The following KIAA0825 variants were observed in gnomAD, a reference collection of about 807,000 sequenced individuals.
KIAA0825 encodes the protein KIAA0825.
Under a neutral mutation model 147.6 loss-of-function variants are expected in KIAA0825, and 119 were observed. The observed-to-expected ratio is 0.81, with a 90% confidence interval of 0.69 to 0.94. KIAA0825 has a LOEUF of 0.94. KIAA0825 is among the 40% of genes least tolerant of loss of function. The pLI, the probability that KIAA0825 is intolerant of heterozygous loss-of-function variation, is 0.00. For synonymous variants in KIAA0825, 470 were observed against 518.1 expected, an observed-to-expected ratio of 0.91 and a Z score of 1.26; for missense variants, 1,381 against 1,472.7, an observed-to-expected ratio of 0.94 and a Z score of 1.02.
At chr5:94,421,788 C>CA (rs1180416938) in intron 14 of KIAA0825, among the ~76,000 whole-genome samples, 2 of 152,076 alleles carry the variant, frequency 1.3e-5, no homozygotes, top group African/African-American at 4.8e-5. Flanking sequence ...TATGATTCCC[C>CA]AATATTCCAA....
chr5:94,528,325 C>A (rs1042310366), intron 3 of KIAA0825, among the ~76,000 whole-genome samples: 1 of 152,138 alleles, frequency 6.6e-6, no homozygotes, highest in Non-Finnish European at 1.5e-5. Context: ...ATGAGCAACA[C>A]AGTATGAAAG....
At position 94,520,666 on chromosome 5, in the gene KIAA0825, ATTGT is replaced by A. The variant is rs1432307060; in HGVS notation, c.548_551del (p.Asn183IlefsTer8). 4.3e-6 allele frequency: 7 copies of A among 1,613,376 alleles called. No individual in the cohort carries two copies. The highest frequency in any genetic ancestry group is 5.9e-6 in the Non-Finnish European group (7 of 1,179,498). On this transcript the variant is annotated frameshift_variant, in exon 5 of 21. Transcript: ENST00000682413. LOFTEE classifies it high-confidence loss of function. ...TTTTCAATAAAATTTTTTGCTGTGAATTGTTTATTTCATTATGGCTTTGTAATTT... is the reference window on the plus strand; with the variant it reads ...TTTTCAATAAAATTTTTTGCTGTGAATTATTTCATTATGGCTTTGTAATTT...
chr5:94,178,998 A>C (rs1769357724), intron 20 of KIAA0825, among the ~76,000 whole-genome samples: 2 of 152,134 alleles, frequency 1.3e-5, no homozygotes, highest in Admixed American at 1.3e-4. Flanking sequence ...AATTTAAAAT[A>C]CATTTTTCTA....
chr5:94,303,513 C>T (rs1778533237), intron 20 of KIAA0825, among the ~76,000 whole-genome samples: 2 of 151,968 alleles, frequency 1.3e-5, no homozygotes, highest in South Asian at 2.1e-4. Flanking sequence ...AAGTGGCCTT[C>T]TCAGTAAAAA....
At chr5:94,341,332 G>A (rs890393112) in intron 20 of KIAA0825, among the ~76,000 whole-genome samples, 11 of 152,142 alleles carry the variant, frequency 7.2e-5, no homozygotes, top group East Asian at 1.9e-4. Flanking sequence ...TAACAAAACC[G>A]TCACACTTTC....
chr5:94,494,314 CTTTT>C (rs530332272), intron 5 of KIAA0825, among the ~76,000 whole-genome samples: 2 of 111,870 alleles, frequency 1.8e-5, no homozygotes, highest in Non-Finnish European at 3.5e-5. Flanking sequence ...ATATTCAATC[CTTTT>C]TTTTTTTTTT....
intron 7 of KIAA0825, among the ~76,000 whole-genome samples, chr5:94,473,928 T>A (rs1761529588): frequency 6.6e-6 from 1 of 152,230 alleles, no homozygotes; most frequent in African/African-American, 2.4e-5. Context: ...AGTTTATTGT[T>A]AACAAGTATT....
At chr5:94,442,961 A>G (rs1757269143) in intron 13 of KIAA0825, among the ~76,000 whole-genome samples, 1 of 152,078 alleles carries the variant, frequency 6.6e-6, no homozygotes, top group African/African-American at 2.4e-5. Context: ...TGGTGAATGG[A>G]TTGGAGGTGG....
intron 20 of KIAA0825, among the ~76,000 whole-genome samples, chr5:94,248,719 AC>A (rs1775768921): frequency 6.6e-6 from 1 of 152,146 alleles, no homozygotes; most frequent in African/African-American, 2.4e-5. Context: ...AAGGAAACCA[AC>A]CCATCAGCAT....
At chr5:94,412,910 T>G (rs1469193082) in intron 15 of KIAA0825, 2 of 151,804 alleles carry the variant, frequency 1.3e-5, no homozygotes, top group Non-Finnish European at 2.9e-5. Context: ...TATATGCAGG[T>G]TCTGTGGGGC....
At chr5:94,533,560 C>T (rs1771356438) in intron 3 of KIAA0825, among the ~76,000 whole-genome samples, 1 of 152,180 alleles carries the variant, frequency 6.6e-6, no homozygotes, top group Non-Finnish European at 1.5e-5. Flanking sequence ...CAGGCATGAG[C>T]CACCACATCC....
At chr5:94,544,301 G>T (rs1036978032) in intron 2 of KIAA0825, among the ~76,000 whole-genome samples, 1 of 152,174 alleles carries the variant, frequency 6.6e-6, no homozygotes, top group Non-Finnish European at 1.5e-5. Flanking sequence ...CAACTTTGTT[G>T]AGAAAACATT....
Position 94,482,097 on chromosome 5 carries a change from C to T in KIAA0825, c.1132+2672G>A, listed in dbSNP as rs778792645. On this transcript the variant is annotated intron_variant, in intron 6 of 20. Coordinates refer to ENST00000682413, the MANE Select transcript of KIAA0825 (RefSeq NM_001145678.3). ...TTTTGAAGTGACAAAAATAGAAAAC[C>T]ATCGAATCATGACCAAACAAAAGCA... 5.3e-4 allele frequency among the ~76,000 whole-genome samples: 81 copies of T among 151,992 alleles called. 1 individual carries two copies. Among genetic ancestry groups the T allele is most frequent in the Non-Finnish European group, 1.0e-3 (71 of 67,894 alleles).
intron 20 of KIAA0825, among the ~76,000 whole-genome samples, chr5:94,211,336 A>C (rs1164716872): frequency 6.6e-6 from 1 of 152,166 alleles, no homozygotes; most frequent in Non-Finnish European, 1.5e-5. Flanking sequence ...CATGTTATAG[A>C]CATTTTGGTT....
chr5:94,392,719 C>A (rs1260508341), intron 17 of KIAA0825, among the ~76,000 whole-genome samples: 1 of 152,116 alleles, frequency 6.6e-6, no homozygotes, highest in African/African-American at 2.4e-5. Flanking sequence ...TGCTAAGAGT[C>A]AATGCCGCTG....
At chr5:94,503,349 C>T (rs948334507) in intron 5 of KIAA0825, among the ~76,000 whole-genome samples, 1 of 152,102 alleles carries the variant, frequency 6.6e-6, no homozygotes, top group Non-Finnish European at 1.5e-5. Context: ...TGAGGAAACA[C>T]ATTCAAGCTT....
chr5:94,384,499 A>T (rs1369591085), intron 19 of KIAA0825, 41 bp from the exon 20 acceptor site: 3 of 1,447,672 alleles, frequency 2.1e-6, no homozygotes, highest in Non-Finnish European at 2.9e-6. Flanking sequence ...GTTAGTTATT[A>T]ATCAGAGTTA....
chr5:94,298,192 G>A (rs958781591), intron 20 of KIAA0825, among the ~76,000 whole-genome samples: 2 of 151,876 alleles, frequency 1.3e-5, no homozygotes, highest in Non-Finnish European at 2.9e-5. Context: ...AGGTTGCAGT[G>A]AGCCGAGATT....
At chr5:94,334,565 C>T (rs1486872527) in intron 20 of KIAA0825, among the ~76,000 whole-genome samples, 1 of 152,196 alleles carries the variant, frequency 6.6e-6, no homozygotes, top group Non-Finnish European at 1.5e-5. Flanking sequence ...TCACTGCAAC[C>T]TCCGACTCCC....
Sources: gnomAD v4.1 joint callset for allele counts (sites outside exome capture counted in the v4.1 genomes callset) on GRCh38, gnomAD v4.1.1 for gene constraint, MANE v1.5 for transcripts, NCBI Gene and HGNC (gene_info 2026-07-23, HGNC 2026-07-21) for gene names.